Variants in CEP70 observed in about 807,000 individuals in gnomAD.
The protein encoded by CEP70 is centrosomal protein 70, also known as centrosomal protein of 70 kDa.
In CEP70, 70 loss-of-function variants were observed where a neutral mutation model predicts 90.9. The observed-to-expected ratio is 0.77, with a 90% CI of 0.64 to 0.94. The LOEUF (loss-of-function observed/expected upper bound fraction) is 0.94. Among genes scored for constraint, CEP70 ranks in the 40% least tolerant of loss-of-function variants. The pLI, the probability that CEP70 is intolerant of heterozygous loss-of-function variation, is 0.00. For missense variants in CEP70, 648 were observed against 669.0 expected, an observed-to-expected ratio of 0.97 and a Z score of 0.35; for synonymous variants, 220 against 228.3, an observed-to-expected ratio of 0.96 and a Z score of 0.33.
chr3:138,543,306 C>G (rs567527898), intron 6 of CEP70, among the ~76,000 whole-genome samples: 3 of 152,222 alleles, frequency 2.0e-5, no homozygotes, highest in Non-Finnish European at 4.4e-5. Flanking sequence ...CTTCTGCGCT[C>G]GTCGGCATCC....
chr3:138,577,821 T>G (rs1160133985), intron 2 of CEP70, among the ~76,000 whole-genome samples: 1 of 152,144 alleles, frequency 6.6e-6, no homozygotes, highest in African/African-American at 2.4e-5. Context: ...ACTAGATTTT[T>G]AAAAATCAAG....
At chr3:138,553,655 G>T (rs913841898) in intron 6 of CEP70, among the ~76,000 whole-genome samples, 4 of 151,964 alleles carry the variant, frequency 2.6e-5, no homozygotes, top group African/African-American at 7.2e-5. Context: ...ACTAGGAAAA[G>T]ATATAACAAA....
In CEP70 at chr3:138,500,173, C is replaced by CTA; in HGVS notation, c.1587_1588dup (p.Arg530IlefsTer3). The CTA allele has an allele frequency of 6.2e-7, 1 of 1,613,966 alleles. No individual in the cohort carries two copies. Among genetic ancestry groups the CTA allele is most frequent in the South Asian group, 1.1e-5 (1 of 91,070 alleles). On this transcript the variant is annotated frameshift_variant, in exon 16 of 18. Transcript: ENST00000264982. LOFTEE classifies it high-confidence loss of function. ...CTCATTCACATCTTCATTAATCAGC[C>CTA]TACAGAGTTTTCCAACAGTGCTTAC...
chr3:138,571,395 T>C (rs373152134), intron 3 of CEP70, 39 bp from the exon 4 acceptor site: 256 of 1,340,970 alleles, frequency 1.9e-4, no homozygotes, highest in Non-Finnish European at 2.6e-4. Flanking sequence ...TAACTTTAGA[T>C]ATAAAGTGAA....
intron 6 of CEP70, among the ~76,000 whole-genome samples, chr3:138,545,324 T>A (rs1033891876): frequency 1.3e-5 from 2 of 152,212 alleles, no homozygotes; most frequent in Non-Finnish European, 2.9e-5. Context: ...CTGCAATCTC[T>A]GAACATAAAT....
intron 5 of CEP70, 152 bp from the exon 6 acceptor site, chr3:138,570,650 T>C (rs1196475945): frequency 3.2e-6 from 2 of 633,798 alleles, no homozygotes; most frequent in Non-Finnish European, 5.1e-6. Context: ...ATATTTCAGA[T>C]TTTTTCAGAT....
At position 138,495,007 on chromosome 3, in the gene CEP70, AT is replaced by A; in HGVS notation, c.*7del. 1 of 1,418,368 alleles carries A rather than the reference AT, an allele frequency of 7.1e-7. No individual in the cohort carries two copies. Among genetic ancestry groups the A allele is most frequent in the Non-Finnish European group, 9.9e-7 (1 of 1,008,474 alleles). 87.9% of individuals were successfully genotyped at this position (1,418,368 alleles called of 1,614,324 possible). A position where few individuals can be genotyped will look rare whatever the true frequency, so the allele number is the denominator to read the frequency against. On this transcript the variant is annotated 3_prime_UTR_variant, in exon 18 of 18. Coordinates refer to ENST00000264982, the MANE Select transcript of CEP70 (RefSeq NM_024491.4). ...CAATTTACACAGTAAAAATGATTTG[AT>A]TTGTTTTCAGTATGAAAGTACTTTT...
chr3:138,498,858 C>A (rs1389420298), intron 16 of CEP70, among the ~76,000 whole-genome samples: 2 of 151,536 alleles, frequency 1.3e-5, no homozygotes, highest in Admixed American at 6.6e-5. Context: ...ACTAGCCTGG[C>A]CAACATGGTG....
chr3:138,577,893 C>T (rs1399715972), intron 2 of CEP70, among the ~76,000 whole-genome samples: 1 of 152,156 alleles, frequency 6.6e-6, no homozygotes, highest in Admixed American at 6.5e-5. Flanking sequence ...AAAATAAAAA[C>T]ATTAAAGCAG....
chr3:138,547,632 G>A (rs770588246), intron 6 of CEP70, among the ~76,000 whole-genome samples: 31 of 152,028 alleles, frequency 2.0e-4, no homozygotes, highest in Non-Finnish European at 3.7e-4. Flanking sequence ...TATCCAAATT[G>A]CCAGCATCAT....
In CEP70 at chr3:138,500,218, G is replaced by T; in HGVS notation, c.1544C>A (p.Ser515Ter). Reference protein sequence around the residue: ...NLQELLELDSSSSLCVLVSTV... With the variant: ...NLQELLELDS ...GCTTACTAGCACACACAATGAGGATGAACTATCTGCAAAAGAGAAATAAAA... is the reference window on the plus strand; with the variant it reads ...GCTTACTAGCACACACAATGAGGATTAACTATCTGCAAAAGAGAAATAAAA... The change falls in exon 16 of 18, where the codon TCA becomes TAA. Residue 515 changes from serine to a stop codon, truncating the protein, a stop_gained. Coordinates refer to ENST00000264982, the MANE Select transcript of CEP70 (RefSeq NM_024491.4). LOFTEE classifies it high-confidence loss of function. 1 of 1,604,930 alleles carries T rather than the reference G, an allele frequency of 6.2e-7. No individual in the cohort carries two copies. Among genetic ancestry groups the T allele is most frequent in the South Asian group, 1.1e-5 (1 of 90,648 alleles).
intron 6 of CEP70, among the ~76,000 whole-genome samples, chr3:138,546,753 C>T (rs2039237009): frequency 6.8e-6 from 1 of 147,420 alleles, no homozygotes; most frequent in Non-Finnish European, 1.5e-5. Context: ...CATCTCAAAA[C>T]AAATCAACAA....
intron 8 of CEP70, among the ~76,000 whole-genome samples, chr3:138,532,107 C>T (rs1477351839): frequency 6.6e-6 from 1 of 152,142 alleles, no homozygotes; most frequent in Non-Finnish European, 1.5e-5. Context: ...TGATTTTTCA[C>T]TGACATTTTA....
At chr3:138,579,891 G>C (rs1405807239) in intron 2 of CEP70, among the ~76,000 whole-genome samples, 3 of 151,910 alleles carry the variant, frequency 2.0e-5, no homozygotes, top group Non-Finnish European at 1.5e-5. Flanking sequence ...GGCCCAACTG[G>C]GGAAGAGCAT....
chr3:138,537,302 T>A lies in CEP70; in HGVS notation c.511A>T (p.Thr171Ser), dbSNP rs1460835180. 2 of 1,605,972 alleles carry A rather than the reference T, an allele frequency of 1.2e-6. No homozygotes were observed. Among genetic ancestry groups the A allele is most frequent in the East Asian group, 4.5e-5 (2 of 44,590 alleles). The change falls in exon 7 of 18, where the codon ACT becomes TCT. Residue 171 changes from threonine (T) to serine (S), a missense_variant. Coordinates refer to ENST00000264982, the MANE Select transcript of CEP70 (RefSeq NM_024491.4). ...ACTTCCATTTGCAAAGAAGCAATAG[T>A]TTCTTCTTGCTCCGTTCGTTTTTTC... ...YKKKRTEQEE[T>S]IASLQMEVCR...
Position 138,500,488 on chromosome 3 carries a change from T to A in CEP70, c.1448A>T (p.Asn483Ile), listed in dbSNP as rs781748911. The A allele has an allele frequency of 6.2e-7, 1 of 1,612,086 alleles. No individual in the cohort carries two copies. Among genetic ancestry groups the A allele is most frequent in the Non-Finnish European group, 8.5e-7 (1 of 1,179,490 alleles). The change falls in exon 15 of 18, where the codon AAT (asparagine) becomes ATT (isoleucine). Residue 483 changes from asparagine (N) to isoleucine (I), a missense_variant. By Grantham distance (149) the Asn-to-Ile change is moderately radical. Coordinates refer to ENST00000264982, the MANE Select transcript of CEP70 (RefSeq NM_024491.4). ...FQKLFDVPSL[N>I]GVYPRMNEVY... Reference sequence around the variant, plus strand: ...TTCATTCATTCGGGGATAGACTCCATTTAAAGAAGGCACATCAAATAACTT... The same window carrying A: ...TTCATTCATTCGGGGATAGACTCCAATTAAAGAAGGCACATCAAATAACTT...
intron 2 of CEP70, among the ~76,000 whole-genome samples, chr3:138,586,488 T>C (rs1405288171): frequency 6.6e-6 from 1 of 152,172 alleles, no homozygotes; most frequent in African/African-American, 2.4e-5. Context: ...GGAGTACTAC[T>C]CAGCCATAAA....
intron 17 of CEP70, chr3:138,496,766 C>A: frequency 1.0e-6 from 1 of 985,450 alleles, no homozygotes; most frequent in Non-Finnish European, 1.2e-6. Context: ...AACACCAGAA[C>A]TTCAACTTTG....
chr3:138,540,939 G>A (rs962488297), intron 6 of CEP70, among the ~76,000 whole-genome samples: 1 of 152,166 alleles, frequency 6.6e-6, no homozygotes, highest in African/African-American at 2.4e-5. Flanking sequence ...CATGTCTTTT[G>A]CGAGAACATG....
Sources: gnomAD v4.1 joint callset for allele counts (sites outside exome capture counted in the v4.1 genomes callset) on GRCh38, gnomAD v4.1.1 for gene constraint, MANE v1.5 for transcripts, NCBI Gene and HGNC (gene_info 2026-07-23, HGNC 2026-07-21) for gene names.